PTPRM: variants seen among roughly 807,000 people sequenced by gnomAD.
PTPRM encodes protein tyrosine phosphatase receptor type M.
A neutral mutation model predicts 186.7 loss-of-function variants in PTPRM; 47 were observed. That is an observed-to-expected ratio of 0.25 (90% confidence interval 0.20 to 0.32). PTPRM has a LOEUF of 0.32. PTPRM is among the 10% of genes least tolerant of loss of function. PTPRM has a pLI of 1.00. For synonymous variants in PTPRM, 668 were observed against 674.9 expected (o/e 0.99, Z 0.16); for missense variants, 1,494 against 1,865.0 (o/e 0.80, Z 3.66).
chr18:7,729,570 G>A (rs1188291698), intron 1 of PTPRM, among the ~76,000 whole-genome samples: 1 of 152,102 alleles, frequency 6.6e-6, no homozygotes, highest in Non-Finnish European at 1.5e-5. Context: ...TATAGTCAAG[G>A]TAGAGTTGAT....
chr18:8,130,317 G>A (rs1319705599), intron 13 of PTPRM, among the ~76,000 whole-genome samples: 1 of 152,152 alleles, frequency 6.6e-6, no homozygotes, highest in Non-Finnish European at 1.5e-5. Flanking sequence ...CCGTTGTCCA[G>A]CTGCTGTCCC....
At chr18:7,698,144 A>G (rs1365515826) in intron 1 of PTPRM, among the ~76,000 whole-genome samples, 2 of 152,154 alleles carry the variant, frequency 1.3e-5, no homozygotes, top group Non-Finnish European at 2.9e-5. Context: ...TCACCCCTTA[A>G]AACAATAGCA....
chr18:8,372,407 T>C (rs866098921), intron 24 of PTPRM, among the ~76,000 whole-genome samples: 9 of 152,196 alleles, frequency 5.9e-5, no homozygotes, highest in African/African-American at 1.9e-4. Flanking sequence ...CTAAATGCGC[T>C]TTTTAGATGA....
At chr18:8,087,669 G>A (rs1302683103) in intron 10 of PTPRM, among the ~76,000 whole-genome samples, 1 of 152,064 alleles carries the variant, frequency 6.6e-6, no homozygotes, top group Non-Finnish European at 1.5e-5. Context: ...TTAATTCTAT[G>A]TTATGAATTG....
intron 7 of PTPRM, among the ~76,000 whole-genome samples, chr18:8,047,288 C>T (rs867079393): frequency 6.6e-6 from 1 of 152,022 alleles, no homozygotes. Flanking sequence ...AGGAAACATA[C>T]TTGGTAGTAA....
intron 5 of PTPRM, among the ~76,000 whole-genome samples, chr18:7,929,838 C>T (rs2051375956): frequency 6.6e-6 from 1 of 152,082 alleles, no homozygotes; most frequent in South Asian, 2.1e-4. Context: ...ACATGTAAAC[C>T]TTTCGTCATG....
At chr18:7,888,471 T>G in intron 3 of PTPRM, 94 bp downstream of exon 3, 1 of 1,388,996 alleles carries the variant, frequency 7.2e-7, no homozygotes, top group Non-Finnish European at 9.6e-7. Flanking sequence ...AAAAGGTTGT[T>G]GTATTTTTGT....
intron 2 of PTPRM, among the ~76,000 whole-genome samples, chr18:7,872,127 C>CAAAAAAT (rs2048012829): frequency 6.6e-6 from 1 of 152,174 alleles, no homozygotes; most frequent in Non-Finnish European, 1.5e-5. Flanking sequence ...ATTACTGTTT[C>CAAAAAAT]TGCTTTTTTG....
intron 1 of PTPRM, among the ~76,000 whole-genome samples, chr18:7,650,347 C>T (rs2038668190): frequency 6.6e-6 from 1 of 151,384 alleles, no homozygotes; most frequent in Admixed American, 6.6e-5. Flanking sequence ...TTTACTATGT[C>T]TGAAGCCAAT....
chr18:7,988,784 T>C (rs532464621), intron 7 of PTPRM, among the ~76,000 whole-genome samples: 21 of 152,308 alleles, frequency 1.4e-4, no homozygotes, highest in African/African-American at 3.8e-4. Context: ...TGGATGGATA[T>C]ACCACATTTT....
chr18:7,695,331 A>G (rs1239228610), intron 1 of PTPRM, among the ~76,000 whole-genome samples: 4 of 152,174 alleles, frequency 2.6e-5, no homozygotes, highest in African/African-American at 9.7e-5. Flanking sequence ...ACATGAACAC[A>G]ATGCAGCGTA....
At chr18:8,184,582 G>A (rs180702122) in intron 14 of PTPRM, among the ~76,000 whole-genome samples, 18 of 152,282 alleles carry the variant, frequency 1.2e-4, no homozygotes, top group Admixed American at 8.5e-4. Flanking sequence ...AACAAGTGAC[G>A]AAGGTTTAAT....
At chr18:7,791,235 A>G (rs920106801) in intron 2 of PTPRM, among the ~76,000 whole-genome samples, 1 of 152,106 alleles carries the variant, frequency 6.6e-6, no homozygotes, top group East Asian at 1.9e-4. Flanking sequence ...TGTGGTCTAG[A>G]TCCCTTTTTT....
chr18:8,175,935 T>C (rs997575951), intron 14 of PTPRM, among the ~76,000 whole-genome samples: 1 of 152,208 alleles, frequency 6.6e-6, no homozygotes, highest in Non-Finnish European at 1.5e-5. Flanking sequence ...TGCTTCTCAT[T>C]CCTTAGACGC....
chr18:8,118,288 A>G (rs1312603256), intron 13 of PTPRM, among the ~76,000 whole-genome samples: 1 of 152,168 alleles, frequency 6.6e-6, no homozygotes, highest in African/African-American at 2.4e-5. Context: ...TGTTCATTTA[A>G]AAATTATTTG....
At chr18:8,165,623 A>G (rs2093311119) in intron 14 of PTPRM, among the ~76,000 whole-genome samples, 1 of 152,232 alleles carries the variant, frequency 6.6e-6, no homozygotes, top group African/African-American at 2.4e-5. Flanking sequence ...TCTCAAGTGA[A>G]GAAAGCAATA....
At chr18:8,274,829 G>T (rs1159102581) in intron 19 of PTPRM, among the ~76,000 whole-genome samples, 1 of 152,240 alleles carries the variant, frequency 6.6e-6, no homozygotes, top group East Asian at 1.9e-4. Flanking sequence ...CTTGTCAAGA[G>T]CTTGCATGCA....
At chr18:8,138,688 A>T (rs531109317) in intron 13 of PTPRM, among the ~76,000 whole-genome samples, 11 of 151,980 alleles carry the variant, frequency 7.2e-5, no homozygotes, top group Non-Finnish European at 1.0e-4. Context: ...TCTGGGTGAA[A>T]CATCAGCCCT....
chr18:8,243,926 C>A, intron 14 of PTPRM, 132 bp from the exon 15 acceptor site: 2 of 841,926 alleles, frequency 2.4e-6, no homozygotes, highest in Non-Finnish European at 3.6e-6. Context: ...ACAAATAAGG[C>A]ACTATACATC....
Sources: gnomAD v4.1 joint callset for allele counts (sites outside exome capture counted in the v4.1 genomes callset) on GRCh38, gnomAD v4.1.1 for gene constraint, MANE v1.5 for transcripts, NCBI Gene and HGNC (gene_info 2026-07-23, HGNC 2026-07-21) for gene names.